The following ZBTB20 variants were observed in gnomAD, a reference collection of about 807,000 sequenced individuals.
The protein encoded by ZBTB20 is zinc finger and BTB domain-containing protein 20.
Under a neutral mutation model 56.9 loss-of-function variants are expected in ZBTB20, and 9 were observed. That is an observed-to-expected ratio of 0.16 (90% CI 0.10 to 0.28). The LOEUF (loss-of-function observed/expected upper bound fraction) is 0.28, where lower values mean the gene tolerates loss of function less well. Ranked by LOEUF, ZBTB20 falls within the 10% of genes least tolerant of loss-of-function variation. The pLI, the probability that ZBTB20 is intolerant of heterozygous loss-of-function variation, is 1.00. For synonymous variants in ZBTB20, 417 were observed against 420.7 expected (o/e 0.99, Z 0.11); for missense variants, 655 against 1,003.0 (o/e 0.65, Z 4.69).
chr3:114,504,634 A>AT (rs1350818121), intron 6 of ZBTB20, among the ~76,000 whole-genome samples: 1 of 152,152 alleles, frequency 6.6e-6, no homozygotes, highest in East Asian at 1.9e-4. Context: ...CTGTGTATAT[A>AT]TTTTTTGGGT....
intron 7 of ZBTB20, among the ~76,000 whole-genome samples, chr3:114,449,905 C>T (rs2091496135): frequency 6.6e-6 from 1 of 152,260 alleles, no homozygotes; most frequent in South Asian, 2.1e-4. Context: ...TGCAAATTTT[C>T]TATTTCAGTG....
At chr3:114,346,283 A>G (rs919982168) in intron 11 of ZBTB20, among the ~76,000 whole-genome samples, 1 of 152,214 alleles carries the variant, frequency 6.6e-6, no homozygotes, top group African/African-American at 2.4e-5. Context: ...AAATAGAGCA[A>G]AGAAACTAAG....
At position 114,323,372 on chromosome 3, in the gene ZBTB20, C is replaced by T. The variant is rs1455933049; in HGVS notation, c.*15633G>A. 2 of 152,216 alleles carry T rather than the reference C, an allele frequency of 1.3e-5. No individual in the cohort carries two copies. Among genetic ancestry groups the T allele is most frequent in the Non-Finnish European group, 2.9e-5 (2 of 68,052 alleles). 9.4% of individuals were successfully genotyped at this position (152,216 alleles called of 1,614,324 possible). On this transcript the variant is annotated 3_prime_UTR_variant, in exon 12 of 12. Transcript: ENST00000675478. ...CTTCACTGGTTTTCAGTGTTTATTG[C>T]ACTGTTCCCTATCTGTCATCTTAAA...
At chr3:114,490,456 C>T (rs1414355182) in intron 7 of ZBTB20, among the ~76,000 whole-genome samples, 3 of 152,040 alleles carry the variant, frequency 2.0e-5, no homozygotes, top group South Asian at 2.1e-4. Flanking sequence ...CTCTTGACCT[C>T]GTGATCTGCC....
intron 3 of ZBTB20, among the ~76,000 whole-genome samples, chr3:114,907,218 G>GAA (rs397804202): frequency 1.3e-5 from 2 of 151,268 alleles, no homozygotes; most frequent in Non-Finnish European, 3.0e-5. Context: ...GCAGAATGTA[G>GAA]TTAGGCTAAT....
chr3:115,068,171 C>A (rs759365919), intron 2 of ZBTB20, among the ~76,000 whole-genome samples: 15 of 114,848 alleles, frequency 1.3e-4, no homozygotes, highest in Non-Finnish European at 2.9e-4. Context: ...TAGATCCCTA[C>A]TAGATAGAAG....
At chr3:114,688,846 AATGTATAC>A (rs1423268872) in intron 6 of ZBTB20, among the ~76,000 whole-genome samples, 1 of 152,114 alleles carries the variant, frequency 6.6e-6, no homozygotes, top group Non-Finnish European at 1.5e-5. Context: ...TTTTGACCGA[AATGTATAC>A]ATCAACAGTA....
At chr3:114,715,201 A>G (rs533767971) in intron 5 of ZBTB20, among the ~76,000 whole-genome samples, 127 of 152,344 alleles carry the variant, frequency 8.3e-4, no homozygotes, top group Non-Finnish European at 1.6e-3. Flanking sequence ...CTGCCGCTCA[A>G]AAAAACAAAG....
chr3:114,944,117 AG>A (rs1348383201), intron 3 of ZBTB20, among the ~76,000 whole-genome samples: 1 of 145,782 alleles, frequency 6.9e-6, no homozygotes, highest in East Asian at 1.9e-4. Flanking sequence ...TACCAACCTA[AG>A]AAACCCAAAC....
chr3:114,577,717 C>T (rs2054231373), intron 6 of ZBTB20, among the ~76,000 whole-genome samples: 1 of 152,166 alleles, frequency 6.6e-6, no homozygotes, highest in African/African-American at 2.4e-5. Flanking sequence ...TGGCCAACTA[C>T]TGCCTGGGGA....
At chr3:114,792,137 C>G (rs2071003964) in intron 5 of ZBTB20, 1 of 152,202 alleles carries the variant, frequency 6.6e-6, no homozygotes, top group Admixed American at 6.6e-5. Flanking sequence ...ATTAGATAAG[C>G]TTCCTCCCTC....
chr3:114,812,719 C>T (rs1037835424), intron 4 of ZBTB20, among the ~76,000 whole-genome samples: 3 of 152,192 alleles, frequency 2.0e-5, no homozygotes, highest in Admixed American at 6.5e-5. Context: ...CTTGGGTGGT[C>T]GATGGGACTG....
intron 3 of ZBTB20, among the ~76,000 whole-genome samples, chr3:114,963,232 T>C (rs892321533): frequency 6.6e-6 from 1 of 152,114 alleles, no homozygotes; most frequent in Non-Finnish European, 1.5e-5. Flanking sequence ...TATAGAGAAG[T>C]TTAAGGTAAG....
chr3:114,374,359 C>CT (rs2083376357), intron 10 of ZBTB20, among the ~76,000 whole-genome samples: 2 of 152,184 alleles, frequency 1.3e-5, no homozygotes, highest in African/African-American at 4.8e-5. Flanking sequence ...CAAAGACACT[C>CT]TATTACTGCT....
chr3:115,043,723 TTTTC>T (rs2081237157), intron 2 of ZBTB20, among the ~76,000 whole-genome samples: 1 of 152,096 alleles, frequency 6.6e-6, no homozygotes, highest in African/African-American at 2.4e-5. Flanking sequence ...TTACTCCACA[TTTTC>T]TTTGTCACTA....
chr3:114,892,299 T>C (rs1219465521), intron 4 of ZBTB20, among the ~76,000 whole-genome samples: 1 of 152,226 alleles, frequency 6.6e-6, no homozygotes, highest in Non-Finnish European at 1.5e-5. Context: ...GCTTATTCTC[T>C]GTGCCAATAA....
chr3:115,021,105 C>G lies in ZBTB20; in HGVS notation c.-506-46689G>C, dbSNP rs761936226. Among the ~76,000 whole-genome samples, 35 of 150,960 alleles carry G rather than the reference C, an allele frequency of 2.3e-4. 1 individual carries two copies. The Middle Eastern group carries it at 0.01, about 44-fold the overall frequency. On this transcript the variant is annotated intron_variant, in intron 2 of 11. Coordinates refer to ENST00000675478, the MANE Select transcript of ZBTB20 (RefSeq NM_001348800.3). ...CATTAATGGACAAGTTTCATCTAGTCTAATTTTATGTATTACTTGAGTCTT... is the reference window on the plus strand; with the variant it reads ...CATTAATGGACAAGTTTCATCTAGTGTAATTTTATGTATTACTTGAGTCTT...
rs376481228 is a variant in ZBTB20, at chr3:114,989,121, T to C, written c.-506-14705A>G. 5.9e-5 allele frequency among the ~76,000 whole-genome samples: 9 copies of C among 152,138 alleles called. No homozygotes were observed. In the East Asian group the frequency reaches 7.7e-4, roughly 13 times the overall value. ...TTTAGTTTAATTAGATCCCATTTGT[T>C]AATTTTGGCTTTTGTTGCCATTGCT... On this transcript the variant is annotated intron_variant, in intron 2 of 11. Coordinates refer to ENST00000675478, the MANE Select transcript of ZBTB20 (RefSeq NM_001348800.3).
In ZBTB20 at chr3:115,141,047, T is replaced by C. The variant is rs576160760; in HGVS notation, c.-703+6172A>G. ...CTATAAATAATTTCTTGTGCTGCCA[T>C]ATGTAAGTATATCATTACAATCAGC... On this transcript the variant is annotated intron_variant, in intron 1 of 11. Transcript: ENST00000675478. Among the ~76,000 whole-genome samples, 270 of 152,256 alleles carry C rather than the reference T, an allele frequency of 1.8e-3. 1 individual carries two copies. Among genetic ancestry groups the C allele is most frequent in the Middle Eastern group, 0.01 (3 of 294 alleles).
Sources: gnomAD v4.1 joint callset for allele counts (sites outside exome capture counted in the v4.1 genomes callset) on GRCh38, gnomAD v4.1.1 for gene constraint, MANE v1.5 for transcripts, NCBI Gene and HGNC (gene_info 2026-07-23, HGNC 2026-07-21) for gene names.